PIEZO2: variants seen among roughly 807,000 people sequenced by gnomAD.
The protein encoded by PIEZO2 is piezo-type mechanosensitive ion channel component 2.
In PIEZO2, 172 loss-of-function variants were observed where a neutral mutation model predicts 337.3. The ratio of observed to expected loss-of-function variants is 0.51; its 90% CI spans 0.45 to 0.58. PIEZO2 has a LOEUF of 0.58. PIEZO2 is among the 20% of genes least tolerant of loss of function. PIEZO2 has a pLI of 0.00. For synonymous variants in PIEZO2, 1,251 were observed against 1,228.5 expected, an observed-to-expected ratio of 1.02 and a Z score of -0.38; for missense variants, 3,028 against 3,391.3, an observed-to-expected ratio of 0.89 and a Z score of 2.66.
chr18:10,939,304 A>G (rs1012124154), intron 3 of PIEZO2, among the ~76,000 whole-genome samples: 2 of 152,214 alleles, frequency 1.3e-5, no homozygotes, highest in Non-Finnish European at 2.9e-5. Context: ...TAAAAAATGT[A>G]TATTTGTGAG....
chr18:11,081,537 T>C (rs1044466919), intron 1 of PIEZO2, among the ~76,000 whole-genome samples: 26 of 152,084 alleles, frequency 1.7e-4, no homozygotes, highest in Admixed American at 5.2e-4. Flanking sequence ...AACTAACACA[T>C]GGGATGCATT....
At chr18:11,093,639 T>A (rs376609484) in intron 1 of PIEZO2, among the ~76,000 whole-genome samples, 5 of 133,038 alleles carry the variant, frequency 3.8e-5, no homozygotes, top group African/African-American at 1.4e-4. Flanking sequence ...CAGGCTGGAG[T>A]GCAGTGGCGC....
rs185322783 is a variant in PIEZO2, at chr18:10,797,542, A to T, written c.1379-20T>A. On this transcript the variant is annotated intron_variant, in intron 11 of 55. Coordinates refer to ENST00000674853, the MANE Select transcript of PIEZO2 (RefSeq NM_001378183.1). ...GCTTTTCTAGATGGACGAATACTTT[A>T]TTTAACTATTTATGCAAACATGTGA... The T allele has an allele frequency of 1.1e-3, 1,750 of 1,535,090 alleles. 1 individual carries two copies. Among genetic ancestry groups the T allele is most frequent in the Non-Finnish European group, 1.4e-3 (1,582 of 1,146,306 alleles).
At chr18:10,893,709 A>G (rs922569639) in intron 4 of PIEZO2, 5 of 152,232 alleles carry the variant, frequency 3.3e-5, no homozygotes, top group African/African-American at 1.2e-4. Context: ...ATTGAATGGT[A>G]TAAGAAATCA....
intron 35 of PIEZO2, among the ~76,000 whole-genome samples, chr18:10,733,921 A>C (rs1264527169): frequency 1.3e-5 from 2 of 152,242 alleles, no homozygotes; most frequent in Non-Finnish European, 2.9e-5. Flanking sequence ...TCCTGACTTT[A>C]TCTTAAATTT....
chr18:10,800,558 A>T, intron 10 of PIEZO2, 83 bp from the exon 11 acceptor site: 1 of 1,409,660 alleles, frequency 7.1e-7, no homozygotes, highest in Non-Finnish European at 9.3e-7. Flanking sequence ...CCCTTCCTCC[A>T]CCCTAACTGA....
At chr18:10,961,400 G>T (rs1210330336) in intron 3 of PIEZO2, among the ~76,000 whole-genome samples, 1 of 36,740 alleles carries the variant, frequency 2.7e-5, no homozygotes, top group Non-Finnish European at 6.2e-5. Flanking sequence ...AATGGACTTT[G>T]GGACTTGTGG....
chr18:10,868,162 C>G (rs114231087), intron 5 of PIEZO2, among the ~76,000 whole-genome samples: 1 of 152,164 alleles, frequency 6.6e-6, no homozygotes, highest in Non-Finnish European at 1.5e-5. Flanking sequence ...AAAACAACAC[C>G]GCTTTTGAAA....
rs977693951 is a variant in PIEZO2, at chr18:10,837,955, T to C, written c.917+17398A>G. ...TTAGTAGAGACGGGGTTTCGTCATG[T>C]TGGCCAGGCTGGTCTCGAACTCCTG... On this transcript the variant is annotated intron_variant, in intron 7 of 55. Coordinates refer to ENST00000674853, the MANE Select transcript of PIEZO2 (RefSeq NM_001378183.1). The surrounding 1 kb of genome is among the most constrained non-coding windows in gnomAD (Gnocchi z 4.4). 6.6e-6 allele frequency among the ~76,000 whole-genome samples: 1 copy of C among 152,156 alleles called. No individual in the cohort carries two copies. Among genetic ancestry groups the C allele is most frequent in the Non-Finnish European group, 1.5e-5 (1 of 68,034 alleles).
rs2038662077 is a variant in PIEZO2, at chr18:10,773,146, G to C, written c.2785+266C>G. 6.6e-6 allele frequency among the ~76,000 whole-genome samples: 1 copy of C among 152,180 alleles called. No homozygotes were observed. The highest frequency in any genetic ancestry group is 6.5e-5 in the Admixed American group (1 of 15,280). On this transcript the variant is annotated intron_variant, in intron 20 of 55. Transcript: ENST00000674853. This position sits in a 1 kb window ranked among gnomAD's most constrained non-coding sequence, Gnocchi z 5.3. The stretch of plus-strand genomic sequence containing the variant: ...TGACTGAGGACGTGGTCAACACCAT[G>C]CCCCACCAGTGTCTAGACAGGAGCA...
rs185278512 is a variant in PIEZO2, at chr18:10,721,922, G to T, written c.5030-3663C>A. On this transcript the variant is annotated intron_variant, in intron 36 of 55. Coordinates refer to ENST00000674853, the MANE Select transcript of PIEZO2 (RefSeq NM_001378183.1). Reference sequence around the variant, plus strand: ...TGTAATCCCAGCATTTTGGGAGACCGAGGTGGGAGGATCACAAGATCAGGA... The same window carrying T: ...TGTAATCCCAGCATTTTGGGAGACCTAGGTGGGAGGATCACAAGATCAGGA... Among the ~76,000 whole-genome samples the T allele has an allele frequency of 2.5e-3, 385 of 152,194 alleles. 1 individual carries two copies. The highest frequency in any genetic ancestry group is 4.0e-3 in the Non-Finnish European group (272 of 68,002).
intron 21 of PIEZO2, among the ~76,000 whole-genome samples, chr18:10,769,419 GT>G (rs1290630605): frequency 6.6e-6 from 1 of 152,186 alleles, no homozygotes; most frequent in Non-Finnish European, 1.5e-5. Context: ...TTTGTGAAAA[GT>G]TTTAGGTTTG....
At chr18:10,885,895 G>A (rs2042566073) in intron 4 of PIEZO2, among the ~76,000 whole-genome samples, 1 of 152,104 alleles carries the variant, frequency 6.6e-6, no homozygotes, top group Non-Finnish European at 1.5e-5. Flanking sequence ...AGGGCTGTGG[G>A]CGTGGATTAA....
chr18:11,105,397 A>G lies in PIEZO2; in HGVS notation c.65-39175T>C, dbSNP rs1185803615. Among the ~76,000 whole-genome samples, 2 of 152,160 alleles carry G rather than the reference A, an allele frequency of 1.3e-5. No homozygotes were observed. Among genetic ancestry groups the G allele is most frequent in the Admixed American group, 1.3e-4 (2 of 15,274 alleles). On this transcript the variant is annotated intron_variant, in intron 1 of 55. Coordinates refer to ENST00000674853, the MANE Select transcript of PIEZO2 (RefSeq NM_001378183.1). This position sits in a 1 kb window ranked among gnomAD's most constrained non-coding sequence, Gnocchi z 4.3. Reference sequence around the variant, plus strand: ...AATATGTTCCATTTGTAATAAATCTATGGATATGTAATAGCTCAGAAACGC... The same window carrying G: ...AATATGTTCCATTTGTAATAAATCTGTGGATATGTAATAGCTCAGAAACGC...
At chr18:10,774,165 T>C (rs372020532) in intron 18 of PIEZO2, 127 bp from the exon 19 acceptor site, 1 of 655,788 alleles carries the variant, frequency 1.5e-6, no homozygotes, top group East Asian at 2.7e-5. Context: ...CCTGTTGCAG[T>C]AACGCCCTAA....
rs2036562853 is a variant in PIEZO2, at chr18:10,726,786, G to A, written c.5029+4621C>T. The A allele has an allele frequency of 5.8e-6, 9 of 1,548,320 alleles. No homozygotes were observed. Among genetic ancestry groups the A allele is most frequent in the Middle Eastern group, 3.4e-4 (2 of 5,904 alleles). ...CCTCACTGGGCAAGGTGTCCTATGA[G>A]GATGTGGACCACCTGCGGCCCCATG... is the stretch of plus-strand genomic sequence containing the variant. On this transcript the variant is annotated intron_variant, in intron 36 of 55. Coordinates refer to ENST00000674853, the MANE Select transcript of PIEZO2 (RefSeq NM_001378183.1). This position sits in a 1 kb window ranked among gnomAD's most constrained non-coding sequence, Gnocchi z 5.9.
In PIEZO2 at chr18:10,716,652, C is replaced by T. The variant is rs1239834613; in HGVS notation, c.5090-836G>A. Among the ~76,000 whole-genome samples, 5 of 152,152 alleles carry T rather than the reference C, an allele frequency of 3.3e-5. No individual in the cohort carries two copies. The highest frequency in any genetic ancestry group is 2.1e-4 in the South Asian group (1 of 4,824). ...CCACGAGCACCTATGTTTCCCTCTC[C>T]GCCCCTCCTCACATCCTTTATAAAA... On this transcript the variant is annotated intron_variant, in intron 37 of 55. Coordinates refer to ENST00000674853, the MANE Select transcript of PIEZO2 (RefSeq NM_001378183.1). This position sits in a 1 kb window ranked among gnomAD's most constrained non-coding sequence, Gnocchi z 4.1.
intron 40 of PIEZO2, among the ~76,000 whole-genome samples, chr18:10,706,956 T>C (rs936747209): frequency 1.3e-5 from 2 of 152,100 alleles, no homozygotes; most frequent in African/African-American, 4.8e-5. Flanking sequence ...AGTATAGACA[T>C]ATGGATGAAT....
chr18:10,713,998 GAC>G lies in PIEZO2; in HGVS notation c.5423+764_5423+765del, dbSNP rs926137762. Among the ~76,000 whole-genome samples, 3 of 152,190 alleles carry G rather than the reference GAC, an allele frequency of 2.0e-5. No individual in the cohort carries two copies. Among genetic ancestry groups the G allele is most frequent in the Admixed American group, 1.3e-4 (2 of 15,278 alleles). On this transcript the variant is annotated intron_variant, in intron 39 of 55. Coordinates refer to ENST00000674853, the MANE Select transcript of PIEZO2 (RefSeq NM_001378183.1). The surrounding 1 kb of genome is among the most constrained non-coding windows in gnomAD (Gnocchi z 4.5). ...TGCGGTGCAGGAAGAGGCAATGAGA[GAC>G]AGCATACTAGGGTGGTTGAGAGCTT...
Sources: allele counts gnomAD v4.1 joint callset (sites outside exome capture counted in the v4.1 genomes callset), GRCh38; gene constraint gnomAD v4.1.1; non-coding constraint Gnocchi (gnomAD v3.1); transcripts MANE v1.5; gene names NCBI Gene and HGNC (gene_info 2026-07-23, HGNC 2026-07-21).